The following SLC1A2 variants were observed in gnomAD, a reference collection of about 807,000 sequenced individuals.
The protein encoded by SLC1A2 is solute carrier family 1 member 2, also known as excitatory amino acid transporter 2.
Under a neutral mutation model 48.8 loss-of-function variants are expected in SLC1A2, and 15 were observed. The ratio of observed to expected loss-of-function variants is 0.31; its 90% confidence interval spans 0.21 to 0.47. The LOEUF is 0.47. SLC1A2 is among the 20% of genes least tolerant of loss of function. The probability of loss-of-function intolerance (pLI) is 0.99; values close to 1 mark genes in which losing one functional copy is unlikely to be tolerated. For missense variants in SLC1A2, 502 were observed against 730.5 expected (o/e 0.69, Z 3.61); for synonymous variants, 279 against 272.6 (o/e 1.02, Z -0.23).
intron 6 of SLC1A2, 98 bp downstream of exon 6, chr11:35,301,421 C>T: frequency 9.1e-7 from 1 of 1,096,640 alleles, no homozygotes; most frequent in South Asian, 1.5e-5. Flanking sequence ...TTTGATCAGC[C>T]CATGCCAACT....
intron 7 of SLC1A2, among the ~76,000 whole-genome samples, chr11:35,289,361 C>G (rs1260476399): frequency 6.6e-6 from 1 of 151,858 alleles, no homozygotes; most frequent in Non-Finnish European, 1.5e-5. Flanking sequence ...ATTCTCGGTA[C>G]ATGACTCACG....
chr11:35,419,045 C>T lies in SLC1A2; in HGVS notation c.-79G>A, dbSNP rs938515498. On this transcript the variant is annotated 5_prime_UTR_variant, in exon 1 of 11. Transcript: ENST00000278379. The surrounding 1 kb of genome is among the most constrained non-coding windows in gnomAD (Gnocchi z 5.4). ...GAGAAAGCGGACGCCGGGGTGAGCG[C>T]GAAGTGCGGCCGGGAGCGGTATTTA... 2 of 1,336,368 alleles carry T rather than the reference C, an allele frequency of 1.5e-6. No homozygotes were observed. The allele number at this position is 1,336,368 out of a possible 1,614,324, so 82.8% of individuals were successfully genotyped here.
chr11:35,275,726 A>T (rs1850420435), intron 9 of SLC1A2, among the ~76,000 whole-genome samples: 1 of 152,206 alleles, frequency 6.6e-6, no homozygotes, highest in African/African-American at 2.4e-5. Flanking sequence ...TTTGGTTTTA[A>T]ATTGAAAAAT....
intron 9 of SLC1A2, among the ~76,000 whole-genome samples, chr11:35,278,263 G>GTTTTT (rs1170822746): frequency 9.6e-6 from 1 of 103,810 alleles, no homozygotes. Flanking sequence ...TCTTACTTCT[G>GTTTTT]TTTTTTTTTG....
intron 1 of SLC1A2, among the ~76,000 whole-genome samples, chr11:35,337,892 A>G (rs7926910): frequency 0.026 from 3,896 of 152,288 alleles, 155 homozygotes; most frequent in African/African-American, 0.089. Flanking sequence ...CTCATAATTC[A>G]TCATATCTCA....
intron 1 of SLC1A2, among the ~76,000 whole-genome samples, chr11:35,362,975 T>G (rs1201928862): frequency 6.6e-6 from 1 of 152,226 alleles, no homozygotes; most frequent in Non-Finnish European, 1.5e-5. Flanking sequence ...TTCAAAAACC[T>G]GATGAGGTAG....
At chr11:35,356,636 G>T (rs989882083) in intron 1 of SLC1A2, among the ~76,000 whole-genome samples, 4 of 152,186 alleles carry the variant, frequency 2.6e-5, no homozygotes, top group Non-Finnish European at 4.4e-5. Context: ...TCTTCTGAGG[G>T]TCTAGAATAT....
At chr11:35,405,980 C>A (rs145012664) in intron 1 of SLC1A2, among the ~76,000 whole-genome samples, 54 of 152,288 alleles carry the variant, frequency 3.5e-4, no homozygotes, top group East Asian at 2.1e-3. Flanking sequence ...GTAGACAATT[C>A]AATTATACTA....
At chr11:35,323,372 T>A (rs1852140005) in intron 1 of SLC1A2, 1 of 154,114 alleles carries the variant, frequency 6.5e-6, no homozygotes, top group African/African-American at 2.4e-5. Context: ...CCTTCTGTGA[T>A]CAACAGACAG....
At chr11:35,376,417 C>G (rs1482628904) in intron 1 of SLC1A2, among the ~76,000 whole-genome samples, 1 of 152,094 alleles carries the variant, frequency 6.6e-6, no homozygotes, top group South Asian at 2.1e-4. Flanking sequence ...GATCAATGCT[C>G]TATGGTTATG....
chr11:35,389,009 G>A (rs1027307878), intron 1 of SLC1A2, among the ~76,000 whole-genome samples: 2 of 152,114 alleles, frequency 1.3e-5, no homozygotes, highest in East Asian at 1.9e-4. Flanking sequence ...TTTGGGTAAC[G>A]GGTACACTAG....
chr11:35,392,031 A>T (rs1292631360), intron 1 of SLC1A2, among the ~76,000 whole-genome samples: 1 of 152,256 alleles, frequency 6.6e-6, no homozygotes, highest in African/African-American at 2.4e-5. Flanking sequence ...GAAAAAGCTA[A>T]TAACAAAATA....
At chr11:35,398,955 G>GT in intron 1 of SLC1A2, among the ~76,000 whole-genome samples, 1 of 152,340 alleles carries the variant, frequency 6.6e-6, no homozygotes, top group East Asian at 1.9e-4. Flanking sequence ...AGCAGAGGGT[G>GT]TTTCAGCAGC....
At chr11:35,418,082 A>G (rs1204439080) in intron 1 of SLC1A2, among the ~76,000 whole-genome samples, 3 of 152,204 alleles carry the variant, frequency 2.0e-5, no homozygotes, top group Non-Finnish European at 4.4e-5. Context: ...ACGAAGCCCA[A>G]AAAGTTTTCT....
chr11:35,321,762 G>T (rs1217776034), intron 1 of SLC1A2, among the ~76,000 whole-genome samples: 1 of 152,142 alleles, frequency 6.6e-6, no homozygotes, highest in African/African-American at 2.4e-5. Flanking sequence ...GCCAAATCTG[G>T]TCTGGGAAGT....
chr11:35,362,696 A>T (rs1175583559), intron 1 of SLC1A2, among the ~76,000 whole-genome samples: 1 of 152,172 alleles, frequency 6.6e-6, no homozygotes, highest in East Asian at 1.9e-4. Flanking sequence ...CTTAGGCAAA[A>T]CAACCATTGA....
At chr11:35,322,669 A>C in intron 1 of SLC1A2, 2 of 1,526,990 alleles carry the variant, frequency 1.3e-6, no homozygotes, top group Non-Finnish European at 1.8e-6. Flanking sequence ...ACTGGAAGAC[A>C]CTAGGTCACC....
intron 1 of SLC1A2, chr11:35,392,372 G>C (rs559290950): frequency 2.0e-5 from 3 of 152,298 alleles, no homozygotes; most frequent in Admixed American, 1.3e-4. Context: ...GGACTCGGAC[G>C]GGGAGGGCAT....
At chr11:35,286,191 G>A (rs1253772358) in intron 8 of SLC1A2, 1 of 152,128 alleles carries the variant, frequency 6.6e-6, no homozygotes, top group Non-Finnish European at 1.5e-5. Flanking sequence ...AATAGCTTTA[G>A]TAAAAACAAA....
Sources: allele counts gnomAD v4.1 joint callset (sites outside exome capture counted in the v4.1 genomes callset), GRCh38; gene constraint gnomAD v4.1.1; non-coding constraint Gnocchi (gnomAD v3.1); transcripts MANE v1.5; gene names NCBI Gene and HGNC (gene_info 2026-07-23, HGNC 2026-07-21).